NRAP: variants seen among roughly 807,000 people sequenced by gnomAD.
NRAP encodes the protein nebulin-related-anchoring protein.
A neutral mutation model predicts 225.9 loss-of-function variants in NRAP; 189 were observed. That is an observed-to-expected ratio of 0.84 (90% CI 0.74 to 0.94). The LOEUF is 0.94. Among genes scored for constraint, NRAP ranks in the 40% least tolerant of loss-of-function variants. The probability of loss-of-function intolerance (pLI) is 0.00; values close to 1 mark genes in which losing one functional copy is unlikely to be tolerated. For synonymous variants in NRAP, 769 were observed against 790.7 expected, an observed-to-expected ratio of 0.97 and a Z score of 0.46; for missense variants, 2,176 against 2,168.7, an observed-to-expected ratio of 1.00 and a Z score of -0.07.
chr10:113,628,879 G>A (rs780026138), intron 20 of NRAP, 38 bp downstream of exon 20: 1 of 1,127,658 alleles, frequency 8.9e-7, no homozygotes, highest in Non-Finnish European at 1.3e-6. Flanking sequence ...GTCAGGGGCT[G>A]AGGACTACTG....
chr10:113,641,060 T>C (rs1210305209), intron 13 of NRAP, among the ~76,000 whole-genome samples: 7 of 152,230 alleles, frequency 4.6e-5, no homozygotes. Context: ...ATCATAATTA[T>C]TCATTTCTCT....
intron 14 of NRAP, among the ~76,000 whole-genome samples, chr10:113,634,644 A>G (rs1224818230): frequency 6.6e-6 from 1 of 152,214 alleles, no homozygotes; most frequent in Non-Finnish European, 1.5e-5. Flanking sequence ...GGAAAACAGT[A>G]CGGCATTTGG....
chr10:113,661,785 C>G (rs76738457), intron 3 of NRAP, among the ~76,000 whole-genome samples: 1 of 152,202 alleles, frequency 6.6e-6, no homozygotes, highest in Non-Finnish European at 1.5e-5. Context: ...AGGAAAACAT[C>G]TTTGACTTAT....
At position 113,649,258 on chromosome 10, in the gene NRAP, T is replaced by C. The variant is rs143953458; in HGVS notation, c.888+779A>G. Among the ~76,000 whole-genome samples the C allele has an allele frequency of 8.9e-4, 136 of 152,346 alleles. No homozygotes were observed. In the East Asian group the frequency reaches 0.019, roughly 21 times the overall value. On this transcript the variant is annotated intron_variant, in intron 9 of 41. Coordinates refer to ENST00000359988, the MANE Select transcript of NRAP (RefSeq NM_198060.4). ...TTTCTAAAGAAGAGAAACAAATTCATTGTGGTTTTCTAAATCATATATGTT... is the reference window on the plus strand; with the variant it reads ...TTTCTAAAGAAGAGAAACAAATTCACTGTGGTTTTCTAAATCATATATGTT...
intron 38 of NRAP, 88 bp downstream of exon 38, chr10:113,595,534 CT>C (rs532068846): frequency 5.7e-3 from 4,024 of 706,692 alleles, no homozygotes; most frequent in South Asian, 8.1e-3. Context: ...CTTCCTAGAA[CT>C]TTTTTTTTTA....
chr10:113,614,761 A>G (rs571928536), intron 28 of NRAP, 78 bp downstream of exon 28: 7 of 847,128 alleles, frequency 8.3e-6, no homozygotes, highest in Middle Eastern at 4.4e-4. Flanking sequence ...CAGGCAAAAG[A>G]AGGCAGGAGT....
At chr10:113,629,858 G>A (rs1248274830) in intron 18 of NRAP, 73 bp from the exon 19 acceptor site, 4 of 1,087,090 alleles carry the variant, frequency 3.7e-6, no homozygotes, top group Non-Finnish European at 5.6e-6. Context: ...TGAAAATGCA[G>A]GAAAGATTTC....
rs750434227 is a variant in NRAP at position 113,592,203 on chromosome 10, G to C, written c.4635C>G (p.Ile1545Met). Residue 1545 changes from isoleucine to methionine, a missense_variant, in exon 39 of 42, where the codon ATC (isoleucine) becomes ATG (methionine). Ile to Met is a conservative substitution (Grantham distance 10, BLOSUM62 1). Around this residue, in one of 3 missense-constraint regions of NRAP, gnomAD observed 445 missense variants for 426.1 expected, o/e 1.04. Transcript: ENST00000359988. ...PFQTARASRE[I>M]ASDFRYKEAF... is the part of the protein sequence containing the mutation. The stretch of plus-strand genomic sequence containing the variant: ...AACATGGGGGTCTTACATCACTGGC[G>C]ATCTCCCTAGATGCCCGGGCAGTCT... 2 of 1,602,214 alleles carry C rather than the reference G, an allele frequency of 1.2e-6. No homozygotes were observed. Among genetic ancestry groups the C allele is most frequent in the South Asian group, 2.2e-5 (2 of 89,798 alleles).
At chr10:113,644,997 T>G (rs1849418302) in intron 11 of NRAP, among the ~76,000 whole-genome samples, 1 of 152,122 alleles carries the variant, frequency 6.6e-6, no homozygotes. Flanking sequence ...GATATTTCCT[T>G]GCCAAACAGT....
intron 22 of NRAP, among the ~76,000 whole-genome samples, chr10:113,624,002 G>A (rs1393267254): frequency 2.0e-5 from 3 of 152,066 alleles, no homozygotes; most frequent in Non-Finnish European, 4.4e-5. Flanking sequence ...TGCCAGCAGC[G>A]GCTCCAGCTG....
rs984209020 is a variant in NRAP at position 113,623,691 on chromosome 10, G to C, written c.2350-55C>G. ...GGTTTTCATGTGAGAGGGTTCTCAC[G>C]TGAGAGCATTTCTCTAGATTCTAAT... On this transcript the variant is annotated intron_variant, in intron 22 of 41. Coordinates refer to ENST00000359988, the MANE Select transcript of NRAP (RefSeq NM_198060.4). 4 of 1,099,872 alleles carry C rather than the reference G, an allele frequency of 3.6e-6. No homozygotes were observed. The African/African-American group carries it at 4.7e-5, about 13-fold the overall frequency. The allele number at this position is 1,099,872 out of a possible 1,614,324, so 68.1% of individuals were successfully genotyped here. A position where few individuals can be genotyped will look rare whatever the true frequency, so the allele number is the denominator to read the frequency against.
rs748311051 is a variant in NRAP, at chr10:113,631,625, G to T, written c.1741-15C>A. Reference sequence around the variant, plus strand: ...TTATATTTAATCTTGAGAGAAAGAAGAAGGTCTACTGTGAGTGAGAGAGAA... The same window carrying T: ...TTATATTTAATCTTGAGAGAAAGAATAAGGTCTACTGTGAGTGAGAGAGAA... On this transcript the variant is annotated splice_polypyrimidine_tract_variant and intron_variant, in intron 17 of 41. Coordinates refer to ENST00000359988, the MANE Select transcript of NRAP (RefSeq NM_198060.4). 4 of 1,530,060 alleles carry T rather than the reference G, an allele frequency of 2.6e-6. No individual in the cohort carries two copies. In the African/African-American group the frequency reaches 5.5e-5, roughly 21 times the overall value. The allele number at this position is 1,530,060 out of a possible 1,614,324, so 94.8% of individuals were successfully genotyped here.
chr10:113,663,860 C>T lies in NRAP; in HGVS notation c.23G>A (p.Arg8Lys). The change falls in exon 1 of 42, where the codon AGG (arginine) becomes AAG (lysine). Residue 8 changes from arginine (R) to lysine (K), a missense_variant. This residue lies in a region of NRAP where 1,708 missense variants were observed against 1,695.5 expected (regional missense o/e 1.01). Coordinates refer to ENST00000359988, the MANE Select transcript of NRAP (RefSeq NM_198060.4). MNVQPCS[R>K]CGYGVYPAEK... ...GGCAGGATAAACCCCATACCCACACCTAGAACAGGGCTGCACATTCATCTC... is the reference window on the plus strand; with the variant it reads ...GGCAGGATAAACCCCATACCCACACTTAGAACAGGGCTGCACATTCATCTC... 4.3e-6 allele frequency: 7 copies of T among 1,613,858 alleles called. No homozygotes were observed. Among genetic ancestry groups the T allele is most frequent in the Non-Finnish European group, 5.9e-6 (7 of 1,179,814 alleles).
At chr10:113,614,351 T>G in intron 28 of NRAP, 55 bp from the exon 29 acceptor site, 1 of 1,191,674 alleles carries the variant, frequency 8.4e-7, no homozygotes, top group South Asian at 1.2e-5. Context: ...GGACACAGAA[T>G]GGAAGAGGTG....
intron 21 of NRAP, among the ~76,000 whole-genome samples, chr10:113,625,414 C>T (rs985796847): frequency 6.6e-6 from 1 of 152,200 alleles, no homozygotes; most frequent in Non-Finnish European, 1.5e-5. Context: ...GCAAACTTAT[C>T]ACTCTTCTCT....
At chr10:113,620,221 G>A (rs1847905492) in intron 25 of NRAP, among the ~76,000 whole-genome samples, 1 of 152,230 alleles carries the variant, frequency 6.6e-6, no homozygotes, top group Middle Eastern at 3.4e-3. Context: ...AAAAACTGTT[G>A]ACTCTGTAGC....
At position 113,648,467 on chromosome 10, in the gene NRAP, C is replaced by CTCTCTCTCTCTATA. The variant is rs749486311; in HGVS notation, c.889-1441_889-1440insTATAGAGAGAGAGA. ...TCTCTCTCTCTCTCTCTCTCTCTCT[C>CTCTCTCTCTCTATA]TATATATATATATATATATATATGT... On this transcript the variant is annotated intron_variant, in intron 9 of 41. Transcript: ENST00000359988. 4.3e-3 allele frequency among the ~76,000 whole-genome samples: 376 copies of CTCTCTCTCTCTATA among 87,324 alleles called. 2 individuals are homozygous for CTCTCTCTCTCTATA. Among genetic ancestry groups the CTCTCTCTCTCTATA allele is most frequent in the Non-Finnish European group, 6.0e-3 (268 of 44,922 alleles). 57.3% of individuals were successfully genotyped at this position (87,324 alleles called of 152,430 possible).
chr10:113,589,563 G>T (rs1346837556), intron 41 of NRAP, 103 bp downstream of exon 41: 1 of 1,390,370 alleles, frequency 7.2e-7, no homozygotes, highest in South Asian at 1.4e-5. Context: ...CTTCTTTAGA[G>T]CTAGCTGACC....
rs145545566 is a variant in NRAP, at chr10:113,620,631, C to T, written c.2847G>A (p.Ala949=). ...VATGSLNVEQ[A]KKAGELISEK... is the part of the protein sequence containing the mutation. ...CGCTAATGAGTTCTCCTGCCTTCTTCGCCTGCTCCACATTTAATGACCCGG... is the reference window on the plus strand; with the variant it reads ...CGCTAATGAGTTCTCCTGCCTTCTTTGCCTGCTCCACATTTAATGACCCGG... Residue 949 remains alanine (A), a synonymous_variant, in exon 25 of 42, where the codon GCG becomes GCA. Coordinates refer to ENST00000359988, the MANE Select transcript of NRAP (RefSeq NM_198060.4). 1.5e-5 allele frequency: 25 copies of T among 1,613,298 alleles called. No individual in the cohort carries two copies. Among genetic ancestry groups the T allele is most frequent in the African/African-American group, 8.0e-5 (6 of 74,832 alleles).
Sources: allele counts gnomAD v4.1 joint callset (sites outside exome capture counted in the v4.1 genomes callset), GRCh38; gene constraint gnomAD v4.1.1; regional missense constraint gnomAD v4.1.1; transcripts MANE v1.5; gene names NCBI Gene and HGNC (gene_info 2026-07-23, HGNC 2026-07-21).